The following ENAH variants were observed in gnomAD, a reference collection of about 807,000 sequenced individuals.
ENAH encodes protein enabled homolog.
A neutral mutation model predicts 78.7 loss-of-function variants in ENAH; 23 were observed. The observed-to-expected ratio is 0.29, with a 90% CI of 0.21 to 0.41. ENAH has a LOEUF of 0.41. Among genes scored for constraint, ENAH ranks in the 10% least tolerant of loss-of-function variants. The pLI, the probability that ENAH is intolerant of heterozygous loss-of-function variation, is 1.00. For synonymous variants in ENAH, 226 were observed against 241.0 expected, an observed-to-expected ratio of 0.94 and a Z score of 0.58; for missense variants, 544 against 691.0, an observed-to-expected ratio of 0.79 and a Z score of 2.39.
At chr1:225,523,731 T>C (rs1316008140) in intron 4 of ENAH, among the ~76,000 whole-genome samples, 1 of 152,162 alleles carries the variant, frequency 6.6e-6, no homozygotes, top group African/African-American at 2.4e-5. Flanking sequence ...GGATGGTTTA[T>C]AAATTTGACT....
chr1:225,512,196 C>T (rs2096382423), intron 9 of ENAH, among the ~76,000 whole-genome samples: 1 of 152,188 alleles, frequency 6.6e-6, no homozygotes, highest in Non-Finnish European at 1.5e-5. Context: ...CACCAATATA[C>T]AGCACAGACA....
chr1:225,547,278 G>C (rs1174660749), intron 3 of ENAH, among the ~76,000 whole-genome samples: 1 of 151,986 alleles, frequency 6.6e-6, no homozygotes, highest in African/African-American at 2.4e-5. Flanking sequence ...CACCATGTTG[G>C]TCAGGCTGGT....
intron 1 of ENAH, among the ~76,000 whole-genome samples, chr1:225,609,997 C>T (rs1241910929): frequency 6.6e-6 from 1 of 151,790 alleles, no homozygotes; most frequent in East Asian, 1.9e-4. Flanking sequence ...AACTACATGA[C>T]TATATAAATT....
chr1:225,603,801 A>G (rs1302876315), intron 1 of ENAH, among the ~76,000 whole-genome samples: 5 of 152,240 alleles, frequency 3.3e-5, no homozygotes, highest in African/African-American at 1.2e-4. Flanking sequence ...ACAAACTTGT[A>G]AAACTGAAAT....
At chr1:225,600,355 G>C (rs2096924445) in intron 1 of ENAH, among the ~76,000 whole-genome samples, 1 of 152,000 alleles carries the variant, frequency 6.6e-6, no homozygotes, top group South Asian at 2.1e-4. Flanking sequence ...GCAACAGTCA[G>C]ACTCTGTCTA....
chr1:225,604,501 T>C (rs961484916), intron 1 of ENAH, among the ~76,000 whole-genome samples: 1 of 151,546 alleles, frequency 6.6e-6, no homozygotes, highest in Admixed American at 6.6e-5. Flanking sequence ...TGTACAAATG[T>C]GGCCAGGCGC....
chr1:225,559,656 A>G (rs2096689375), intron 2 of ENAH, among the ~76,000 whole-genome samples: 1 of 152,084 alleles, frequency 6.6e-6, no homozygotes, highest in Non-Finnish European at 1.5e-5. Context: ...ACCCCAACAA[A>G]ACAAAATCAA....
chr1:225,507,754 T>C (rs2096344645), intron 11 of ENAH, among the ~76,000 whole-genome samples, 197 bp downstream of exon 11: 1 of 152,122 alleles, frequency 6.6e-6, no homozygotes, highest in African/African-American at 2.4e-5. Context: ...AAATGTAGGG[T>C]AGAATTTATC....
chr1:225,653,742 T>G (rs2148552489), upstream of ENAH, among the ~76,000 whole-genome samples: 1 of 152,218 alleles, frequency 6.6e-6, no homozygotes, highest in East Asian at 1.9e-4. The surrounding 1 kb of genome is among the most constrained non-coding windows in gnomAD (Gnocchi z 4.3). Flanking sequence ...GATGAGGGAA[T>G]CGGGGGGCAT....
intron 1 of ENAH, among the ~76,000 whole-genome samples, chr1:225,640,464 T>C (rs111794327): frequency 0.02 from 3,085 of 152,198 alleles, 43 homozygotes; most frequent in Non-Finnish European, 0.03. Context: ...AACAATGAAA[T>C]CACAAGGAAA....
chr1:225,513,971 A>G (rs1213559040), intron 7 of ENAH, among the ~76,000 whole-genome samples: 1 of 152,080 alleles, frequency 6.6e-6, no homozygotes, highest in Non-Finnish European at 1.5e-5. Context: ...TCTGGATAAC[A>G]AGAGTGAAAC....
At chr1:225,575,475 T>C (rs2096783846) in intron 1 of ENAH, among the ~76,000 whole-genome samples, 1 of 152,224 alleles carries the variant, frequency 6.6e-6, no homozygotes, top group African/African-American at 2.4e-5. Context: ...TTCCTCAACA[T>C]TTATTTTTTC....
chr1:225,625,001 G>A (rs1293953567), intron 1 of ENAH, among the ~76,000 whole-genome samples: 1 of 152,204 alleles, frequency 6.6e-6, no homozygotes, highest in East Asian at 1.9e-4. Flanking sequence ...TCATGGTGGA[G>A]AACTGTGGTC....
intron 1 of ENAH, among the ~76,000 whole-genome samples, chr1:225,640,996 T>G (rs576034878): frequency 1.8e-4 from 27 of 150,488 alleles, no homozygotes; most frequent in Non-Finnish European, 3.8e-4. Flanking sequence ...CCCGAGTAGC[T>G]GGGACTACAG....
intron 1 of ENAH, among the ~76,000 whole-genome samples, chr1:225,592,064 A>C (rs777491710): frequency 6.6e-6 from 1 of 152,196 alleles, no homozygotes; most frequent in Non-Finnish European, 1.5e-5. Flanking sequence ...AACCATGTAC[A>C]TGAAGCATTC....
chr1:225,567,596 C>CA (rs968198887), intron 1 of ENAH, among the ~76,000 whole-genome samples, 182 bp from the exon 2 acceptor site: 2 of 151,100 alleles, frequency 1.3e-5, no homozygotes, highest in South Asian at 2.1e-4. Flanking sequence ...GAAGACAAAC[C>CA]AAAAAAAATA....
rs562177742 is a variant in ENAH at position 225,531,990 on chromosome 1, CAAAT to C, written c.350-1356_350-1353del. On this transcript the variant is annotated intron_variant, in intron 3 of 13. Transcript: ENST00000366843. Reference sequence around the variant, plus strand: ...CCTAAGAGTCTGCTATTTTGAGAACCAAATAAATATTATAAAAAAAAATTAATCC... The same window carrying C: ...CCTAAGAGTCTGCTATTTTGAGAACCAAATATTATAAAAAAAAATTAATCC... Among the ~76,000 whole-genome samples the C allele has an allele frequency of 3.9e-4, 58 of 150,070 alleles. 1 individual carries two copies. Among genetic ancestry groups the C allele is most frequent in the African/African-American group, 1.2e-3 (50 of 40,844 alleles).
chr1:225,635,650 A>C (rs1659928623), intron 1 of ENAH, among the ~76,000 whole-genome samples: 1 of 152,178 alleles, frequency 6.6e-6, no homozygotes, highest in Non-Finnish European at 1.5e-5. Flanking sequence ...GTATATCACA[A>C]TGTGACCTCT....
At chr1:225,546,657 G>A (rs1237338184) in intron 3 of ENAH, among the ~76,000 whole-genome samples, 1 of 152,174 alleles carries the variant, frequency 6.6e-6, no homozygotes, top group Non-Finnish European at 1.5e-5. Context: ...AGGCTTTGAG[G>A]TATAACAGGT....
Sources: gnomAD v4.1 joint callset for allele counts (sites outside exome capture counted in the v4.1 genomes callset) on GRCh38, gnomAD v4.1.1 for gene constraint, Gnocchi (gnomAD v3.1) non-coding constraint, MANE v1.5 for transcripts, NCBI Gene and HGNC (gene_info 2026-07-23, HGNC 2026-07-21) for gene names.